VTI1A: variants seen among roughly 807,000 people sequenced by gnomAD.
VTI1A encodes the protein vesicle transport through interaction with t-SNAREs homolog 1A.
A neutral mutation model predicts 34.9 loss-of-function variants in VTI1A; 22 were observed. The observed-to-expected ratio is 0.63, with a 90% CI of 0.45 to 0.90. The LOEUF (loss-of-function observed/expected upper bound fraction) is 0.90. Ranked by LOEUF, VTI1A falls within the 40% of genes least tolerant of loss-of-function variation. The pLI is 0.00. For synonymous variants in VTI1A, 87 were observed against 97.3 expected (o/e 0.89, Z 0.62); for missense variants, 268 against 275.6 (o/e 0.97, Z 0.20).
intron 7 of VTI1A, among the ~76,000 whole-genome samples, chr10:112,799,956 TAGAGAG>T (rs34501795): frequency 6.8e-6 from 1 of 147,126 alleles, no homozygotes; most frequent in African/African-American, 2.5e-5. Flanking sequence ...GTTCTGATGT[TAGAGAG>T]AGAGAGAGAG....
intron 7 of VTI1A, among the ~76,000 whole-genome samples, chr10:112,720,420 T>C (rs554201556): frequency 2.6e-5 from 4 of 152,384 alleles, no homozygotes; most frequent in African/African-American, 9.6e-5. Context: ...AGTGAGGAAC[T>C]ATCTCATGGT....
At chr10:112,778,102 C>CA (rs1564921618) in intron 7 of VTI1A, among the ~76,000 whole-genome samples, 1 of 149,918 alleles carries the variant, frequency 6.7e-6, no homozygotes, top group South Asian at 2.1e-4. Context: ...AACTCCATCT[C>CA]AAAAAAAGGA....
intron 5 of VTI1A, among the ~76,000 whole-genome samples, chr10:112,616,328 C>T (rs1437732020): frequency 6.6e-6 from 1 of 152,148 alleles, no homozygotes; most frequent in Non-Finnish European, 1.5e-5. Flanking sequence ...TGTACATGTG[C>T]ACACACTCAC....
intron 5 of VTI1A, among the ~76,000 whole-genome samples, chr10:112,582,403 T>TC (rs1843984211): frequency 6.6e-6 from 1 of 152,150 alleles, no homozygotes; most frequent in African/African-American, 2.4e-5. Context: ...CAAATATATG[T>TC]TCTCCTCACA....
intron 7 of VTI1A, among the ~76,000 whole-genome samples, chr10:112,682,196 G>A (rs1455961289): frequency 6.6e-6 from 1 of 152,120 alleles, no homozygotes; most frequent in Non-Finnish European, 1.5e-5. Context: ...TCGAGCTCAT[G>A]GATCTGGAAG....
chr10:112,765,745 A>G (rs1851628431), intron 7 of VTI1A, among the ~76,000 whole-genome samples: 1 of 152,162 alleles, frequency 6.6e-6, no homozygotes, highest in South Asian at 2.1e-4. Context: ...GAACTAGATG[A>G]TAAGTAAGTG....
chr10:112,658,512 G>T (rs764781498), intron 5 of VTI1A, among the ~76,000 whole-genome samples: 5 of 152,144 alleles, frequency 3.3e-5, no homozygotes, highest in Admixed American at 6.5e-5. Context: ...AATTTCCTGA[G>T]CACCTGCATA....
chr10:112,576,848 T>G (rs920769447), intron 5 of VTI1A, among the ~76,000 whole-genome samples: 1 of 152,176 alleles, frequency 6.6e-6, no homozygotes, highest in African/African-American at 2.4e-5. Context: ...TCACAATTTA[T>G]ATTACACACA....
At chr10:112,711,306 T>G (rs1849406483) in intron 7 of VTI1A, among the ~76,000 whole-genome samples, 2 of 152,218 alleles carry the variant, frequency 1.3e-5, no homozygotes, top group South Asian at 4.1e-4. Context: ...ATGTGCTGTT[T>G]TTAGGACCAG....
intron 3 of VTI1A, among the ~76,000 whole-genome samples, chr10:112,504,862 T>G (rs1011898120): frequency 3.9e-5 from 6 of 152,206 alleles, no homozygotes; most frequent in African/African-American, 1.2e-4. Context: ...CTGTAGTGTT[T>G]ATTAGCTTTT....
chr10:112,690,914 G>T (rs1356086819), intron 7 of VTI1A, among the ~76,000 whole-genome samples: 1 of 152,090 alleles, frequency 6.6e-6, no homozygotes, highest in Non-Finnish European at 1.5e-5. Flanking sequence ...AGGTGCCCCT[G>T]CCCCAGCCCT....
intron 5 of VTI1A, among the ~76,000 whole-genome samples, chr10:112,543,918 C>T (rs1450819628): frequency 6.6e-6 from 1 of 152,170 alleles, no homozygotes; most frequent in Non-Finnish European, 1.5e-5. Flanking sequence ...TTTCCCAGCA[C>T]CATTTATTAA....
At chr10:112,452,407 G>A (rs997175738) in intron 1 of VTI1A, among the ~76,000 whole-genome samples, 147 of 152,022 alleles carry the variant, frequency 9.7e-4, no homozygotes, top group Non-Finnish European at 2.8e-4. Flanking sequence ...GTCTCTACTA[G>A]AAATACAAAA....
intron 7 of VTI1A, among the ~76,000 whole-genome samples, chr10:112,685,429 C>T (rs1309990831): frequency 2.0e-5 from 3 of 152,122 alleles, no homozygotes; most frequent in African/African-American, 7.2e-5. Context: ...ATTAATGCTG[C>T]TGTTGCATTA....
chr10:112,826,466 C>G, the VTI1A span: 1 of 152,300 alleles, frequency 6.6e-6, no homozygotes, highest in African/African-American at 2.4e-5. Context: ...AGAGTTAGAA[C>G]CACCCGGAGA....
the VTI1A span, among the ~76,000 whole-genome samples, chr10:112,834,362 A>G: frequency 6.6e-6 from 1 of 152,194 alleles, no homozygotes; most frequent in Non-Finnish European, 1.5e-5. Context: ...ATTCTTGGCT[A>G]GAAAGAGGAG....
intron 5 of VTI1A, among the ~76,000 whole-genome samples, chr10:112,619,136 T>C (rs1158466419): frequency 6.6e-6 from 1 of 151,908 alleles, no homozygotes; most frequent in Admixed American, 6.6e-5. Context: ...GGTAATGTCA[T>C]GTTGAAGTAA....
intron 7 of VTI1A, among the ~76,000 whole-genome samples, chr10:112,697,239 G>A (rs965656939): frequency 2.7e-5 from 4 of 150,746 alleles, no homozygotes; most frequent in African/African-American, 4.9e-5. Context: ...TGTTACCCAG[G>A]CTGGAGTGCA....
chr10:112,709,682 CTTTTTTTTTTTTTTT>C (rs57081938), intron 7 of VTI1A, among the ~76,000 whole-genome samples: 1 of 70,256 alleles, frequency 1.4e-5, no homozygotes, highest in African/African-American at 6.5e-5. Flanking sequence ...CTCTATGTGG[CTTTTTTTTTTTTTTT>C]TTTTTTTTTT....
Sources: gnomAD v4.1 joint callset for allele counts (sites outside exome capture counted in the v4.1 genomes callset) on GRCh38, gnomAD v4.1.1 for gene constraint, MANE v1.5 for transcripts, NCBI Gene and HGNC (gene_info 2026-07-23, HGNC 2026-07-21) for gene names.